Variants in NCOA3 observed in about 807,000 individuals in gnomAD.
The protein encoded by NCOA3 is nuclear receptor coactivator 3.
NCOA3 carries 51 observed loss-of-function variants against 158.8 expected under a neutral mutation model. The observed-to-expected ratio is 0.32, with a 90% CI of 0.26 to 0.41. The LOEUF is 0.41. Among genes scored for constraint, NCOA3 ranks in the 10% least tolerant of loss-of-function variants. The probability of loss-of-function intolerance (pLI) is 1.00; values close to 1 mark genes in which losing one functional copy is unlikely to be tolerated. For missense variants in NCOA3, 1,510 were observed against 1,746.6 expected (o/e 0.86, Z 2.41); for synonymous variants, 537 against 592.4 (o/e 0.91, Z 1.36).
intron 1 of NCOA3, among the ~76,000 whole-genome samples, chr20:47,564,112 T>G (rs2085153836): frequency 6.6e-6 from 1 of 151,500 alleles, no homozygotes; most frequent in African/African-American, 2.4e-5. Flanking sequence ...CAGTGAGCCA[T>G]GTACTCCATC....
In NCOA3 at chr20:47,560,828, T is replaced by A. The variant is rs181226643; in HGVS notation, c.-98-22355T>A. On this transcript the variant is annotated intron_variant, in intron 1 of 22. Coordinates refer to ENST00000371998, the MANE Select transcript of NCOA3 (RefSeq NM_181659.3). ...TCTCACGATCTGGCTTGCTTTGATTTAAAAATTTTTTTTATTTCAATAATT... is the reference window on the plus strand; with the variant it reads ...TCTCACGATCTGGCTTGCTTTGATTAAAAAATTTTTTTTATTTCAATAATT... Among the ~76,000 whole-genome samples, 68 of 152,138 alleles carry A rather than the reference T, an allele frequency of 4.5e-4. 1 individual carries two copies. The East Asian group carries it at 0.012, about 27-fold the overall frequency.
intron 2 of NCOA3, among the ~76,000 whole-genome samples, chr20:47,601,316 T>C (rs1243931923): frequency 6.6e-6 from 1 of 152,228 alleles, no homozygotes; most frequent in Non-Finnish European, 1.5e-5. Context: ...ACTTGCCTCT[T>C]AAAGGCACCA....
chr20:47,624,079 G>C lies in NCOA3; in HGVS notation c.252G>C (p.Glu84Asp). Residue 84 changes from glutamate (E) to aspartate (D), a missense_variant, in exon 4 of 23, where the codon GAG becomes GAC. This residue lies in a region of NCOA3 where 309 missense variants were observed against 427.1 expected (regional missense o/e 0.72). Transcript: ENST00000371998. Reference protein sequence around the residue: ...ETVRQIRQIKEQGKTISNDDD... With the variant: ...ETVRQIRQIKDQGKTISNDDD... ...TAAGACAGATACGTCAAATAAAAGA[G>C]CAAGGTAATAAAAACACTCATGTCT... 6.2e-7 allele frequency: 1 copy of C among 1,600,930 alleles called. No homozygotes were observed. The highest frequency in any genetic ancestry group is 8.5e-7 in the Non-Finnish European group (1 of 1,174,778).
chr20:47,628,790 A>T (rs2086367697), intron 8 of NCOA3: 3 of 152,236 alleles, frequency 2.0e-5, no homozygotes, highest in South Asian at 2.1e-4. Context: ...AATTAAAGAC[A>T]TCGTGGTTGA....
intron 1 of NCOA3, among the ~76,000 whole-genome samples, chr20:47,509,336 A>G (rs1437362403): frequency 1.3e-5 from 2 of 152,182 alleles, no homozygotes; most frequent in Non-Finnish European, 2.9e-5. Flanking sequence ...TGAGGGTGCA[A>G]TGAGCTGTGA....
At chr20:47,646,110 A>G (rs1475690427) in intron 17 of NCOA3, among the ~76,000 whole-genome samples, 1 of 152,224 alleles carries the variant, frequency 6.6e-6, no homozygotes, top group Non-Finnish European at 1.5e-5. Flanking sequence ...AGTCCCTTAT[A>G]TAAAACAGTC....
At chr20:47,651,475 A>G (rs1408865005) in intron 20 of NCOA3, among the ~76,000 whole-genome samples, 199 bp downstream of exon 20, 2 of 152,194 alleles carry the variant, frequency 1.3e-5, no homozygotes, top group East Asian at 3.8e-4. Context: ...ATCCTGTCAT[A>G]GTTGAATATT....
rs995004804 is a variant in NCOA3 at position 47,647,447 on chromosome 20, G to C, written c.3546+81G>C. On this transcript the variant is annotated intron_variant, in intron 18 of 22. Coordinates refer to ENST00000371998, the MANE Select transcript of NCOA3 (RefSeq NM_181659.3). ...GTTTCTCAGTGTTCTTACCACTGGT[G>C]CAATCTATCCCTGTCAACTAAAGAA... The C allele has an allele frequency of 8.4e-6, 11 of 1,304,098 alleles. No homozygotes were observed. The African/African-American group carries it at 1.0e-4, about 12-fold the overall frequency. 80.8% of individuals were successfully genotyped at this position (1,304,098 alleles called of 1,614,324 possible).
At chr20:47,515,232 C>T (rs139685095) in intron 1 of NCOA3, among the ~76,000 whole-genome samples, 5,460 of 151,132 alleles carry the variant, frequency 0.036, 290 homozygotes, top group African/African-American at 0.12. Context: ...GCACGATCTC[C>T]GCTCACCACA....
chr20:47,594,069 G>C (rs964060580), intron 2 of NCOA3, among the ~76,000 whole-genome samples: 1 of 152,056 alleles, frequency 6.6e-6, no homozygotes, highest in Non-Finnish European at 1.5e-5. Context: ...ATTGTTTTTA[G>C]GTTTGTATTG....
Position 47,505,180 on chromosome 20 carries a change from G to A in NCOA3, c.-99+3161G>A, listed in dbSNP as rs2084012923. ...GGGTTCAAGCAATTCTCCTGTGTCA[G>A]CCTCCCAAGTAGCTGGGATTACAGG... is the stretch of plus-strand genomic sequence containing the variant. On this transcript the variant is annotated intron_variant, in intron 1 of 22. Transcript: ENST00000371998. Among the ~76,000 whole-genome samples the A allele has an allele frequency of 2.7e-5, 4 of 148,830 alleles. No homozygotes were observed. In the Admixed American group the frequency reaches 2.7e-4, roughly 10 times the overall value.
chr20:47,587,098 C>G (rs1292821645), intron 2 of NCOA3, among the ~76,000 whole-genome samples: 1 of 152,180 alleles, frequency 6.6e-6, no homozygotes, highest in African/African-American at 2.4e-5. Context: ...GCAAAATGGT[C>G]ATTTTTTTCT....
At chr20:47,588,297 G>A (rs914092400) in intron 2 of NCOA3, among the ~76,000 whole-genome samples, 1 of 151,842 alleles carries the variant, frequency 6.6e-6, no homozygotes, top group East Asian at 1.9e-4. Flanking sequence ...ACCATGCCCA[G>A]CTAATTTTTG....
chr20:47,649,040 A>G lies in NCOA3; in HGVS notation c.3582A>G (p.Lys1194=). Reference sequence around the variant, plus strand: ...AGAGCCGACAGGCACTTGAATTGAAAATGGAAAACCCTACTGCTGGTGGTG... The same window carrying G: ...AGAGCCGACAGGCACTTGAATTGAAGATGGAAAACCCTACTGCTGGTGGTG... ...LNQSRQALEL[K]MENPTAGGAA... Residue 1194 remains lysine (K), a synonymous_variant, in exon 19 of 23, where the codon AAA becomes AAG. Coordinates refer to ENST00000371998, the MANE Select transcript of NCOA3 (RefSeq NM_181659.3). 1 of 1,614,056 alleles carries G rather than the reference A, an allele frequency of 6.2e-7. No homozygotes were observed. The highest frequency in any genetic ancestry group is 8.5e-7 in the Non-Finnish European group (1 of 1,179,952).
rs189952185 is a variant in NCOA3, at chr20:47,522,089, T to C, written c.-99+20070T>C. On this transcript the variant is annotated intron_variant, in intron 1 of 22. Coordinates refer to ENST00000371998, the MANE Select transcript of NCOA3 (RefSeq NM_181659.3). Reference sequence around the variant, plus strand: ...CGTTAGCAGTGTTTTGTAGTTACCATTGTACAGATCTTTTTTTTTTTTTTT... The same window carrying C: ...CGTTAGCAGTGTTTTGTAGTTACCACTGTACAGATCTTTTTTTTTTTTTTT... Among the ~76,000 whole-genome samples, 194 of 150,848 alleles carry C rather than the reference T, an allele frequency of 1.3e-3. 1 individual carries two copies. In the Middle Eastern group the frequency reaches 0.024, roughly 19 times the overall value.
intron 1 of NCOA3, among the ~76,000 whole-genome samples, chr20:47,567,542 A>G (rs557971104): frequency 1.3e-5 from 2 of 151,930 alleles, no homozygotes; most frequent in Admixed American, 6.6e-5. Context: ...GTTGGGAGTA[A>G]AGGTTCATGT....
intron 2 of NCOA3, among the ~76,000 whole-genome samples, chr20:47,600,742 C>G (rs1387818728): frequency 6.9e-6 from 1 of 145,980 alleles, no homozygotes; most frequent in African/African-American, 2.5e-5. Flanking sequence ...TTTCGAACTC[C>G]TGGGCTCAAG....
At chr20:47,652,254 G>T in intron 20 of NCOA3, 152 bp from the exon 21 acceptor site, 1 of 532,624 alleles carries the variant, frequency 1.9e-6, no homozygotes, top group African/African-American at 1.9e-5. Flanking sequence ...AATACCTGGG[G>T]GGGCAGCATC....
intron 8 of NCOA3, chr20:47,631,374 G>A (rs1234422267): frequency 6.6e-6 from 1 of 152,182 alleles, no homozygotes; most frequent in African/African-American, 2.4e-5. Flanking sequence ...TTTAGGAAAT[G>A]GATTAACCAC....
Sources: gnomAD v4.1 joint callset for allele counts (sites outside exome capture counted in the v4.1 genomes callset) on GRCh38, gnomAD v4.1.1 for gene constraint, gnomAD v4.1.1 regional missense constraint, MANE v1.5 for transcripts, NCBI Gene and HGNC (gene_info 2026-07-23, HGNC 2026-07-21) for gene names.